The following CALR3 variants were observed in gnomAD, a reference collection of about 807,000 sequenced individuals.
CALR3 encodes the protein calreticulin-3.
A neutral mutation model predicts 48.7 loss-of-function variants in CALR3; 39 were observed. That is an observed-to-expected ratio of 0.80 (90% CI 0.62 to 1.05). The LOEUF (loss-of-function observed/expected upper bound fraction) is 1.05, where lower values mean the gene tolerates loss of function less well. Ranked by LOEUF, CALR3 falls within the 50% of genes least tolerant of loss-of-function variation. CALR3 has a pLI of 0.00. For synonymous variants in CALR3, 185 were observed against 172.7 expected (o/e 1.07, Z -0.56); for missense variants, 449 against 474.7 (o/e 0.95, Z 0.50).
At chr19:16,494,562 G>A (rs949853687) in intron 2 of CALR3, among the ~76,000 whole-genome samples, 3 of 151,186 alleles carry the variant, frequency 2.0e-5, no homozygotes, top group East Asian at 1.9e-4. Flanking sequence ...GGGTGTCACC[G>A]TATTGGCCAG....
At chr19:16,490,107 T>C (rs1022491294) in intron 3 of CALR3, among the ~76,000 whole-genome samples, 16 of 152,214 alleles carry the variant, frequency 1.1e-4, no homozygotes. Context: ...TAAGGTATCC[T>C]TACCCTGCAT....
intron 5 of CALR3, 151 bp downstream of exon 5, chr19:16,483,779 T>C (rs1228254917): frequency 1.4e-6 from 1 of 699,662 alleles, no homozygotes; most frequent in Non-Finnish European, 2.6e-6. Context: ...TGTGTAGAGA[T>C]GTGGCTGGTC....
chr19:16,490,941 A>G (rs2093397005), intron 2 of CALR3, among the ~76,000 whole-genome samples: 1 of 151,748 alleles, frequency 6.6e-6, no homozygotes. Flanking sequence ...TTGTATTTCT[A>G]GTAGAGATAG....
chr19:16,481,825 AAAC>A (rs1335750788), intron 7 of CALR3, among the ~76,000 whole-genome samples: 1 of 151,638 alleles, frequency 6.6e-6, no homozygotes, highest in Non-Finnish European at 1.5e-5. Flanking sequence ...TAAAACAAAA[AAAC>A]AAACAAAACT....
chr19:16,484,238 C>T, intron 4 of CALR3, 123 bp from the exon 5 acceptor site: 1 of 917,708 alleles, frequency 1.1e-6, no homozygotes. Flanking sequence ...AGCGCTGTGG[C>T]ACAATCTCGG....
chr19:16,490,280 T>A, intron 3 of CALR3, 87 bp downstream of exon 3: 1 of 1,204,714 alleles, frequency 8.3e-7, no homozygotes, highest in South Asian at 1.2e-5. Context: ...CTTCACTACA[T>A]TAGCAAAGTC....
intron 5 of CALR3, chr19:16,483,674 C>T (rs1482588258): frequency 4.7e-6 from 2 of 423,566 alleles, no homozygotes; most frequent in African/African-American, 2.0e-5. Context: ...GCTGAGATCA[C>T]GCCACTGCAC....
At chr19:16,485,114 T>C in intron 4 of CALR3, 49 bp downstream of exon 4, 1 of 1,257,744 alleles carries the variant, frequency 8.0e-7, no homozygotes, top group Admixed American at 1.7e-5. Flanking sequence ...TTTCTAAACT[T>C]AGTCTGGCAG....
chr19:16,486,333 A>G, intron 3 of CALR3, among the ~76,000 whole-genome samples: 1 of 148,522 alleles, frequency 6.7e-6, no homozygotes, highest in Admixed American at 6.7e-5. Flanking sequence ...AAAAAAAAAA[A>G]AGTGTGGGCT....
chr19:16,493,754 G>T (rs1419399137), intron 2 of CALR3, among the ~76,000 whole-genome samples: 1 of 151,684 alleles, frequency 6.6e-6, no homozygotes, highest in Non-Finnish European at 1.5e-5. Flanking sequence ...TTGAGACAGA[G>T]TCTTGCTCGG....
At chr19:16,487,467 A>G (rs2122137640) in intron 3 of CALR3, among the ~76,000 whole-genome samples, 1 of 139,668 alleles carries the variant, frequency 7.2e-6, no homozygotes, top group South Asian at 2.5e-4. Flanking sequence ...GCGACGAGCG[A>G]AGCTGTGTCT....
At chr19:16,488,064 C>T (rs557620460) in intron 3 of CALR3, among the ~76,000 whole-genome samples, 91 of 152,216 alleles carry the variant, frequency 6.0e-4, no homozygotes, top group African/African-American at 1.8e-3. Flanking sequence ...CTGCCCACCT[C>T]GGCCTCCCAA....
At chr19:16,482,421 A>T (rs376855778) in intron 7 of CALR3, 29 bp downstream of exon 7, 2 of 1,613,942 alleles carry the variant, frequency 1.2e-6, no homozygotes, top group African/African-American at 2.7e-5. Flanking sequence ...ACACGCAAAA[A>T]ATCTAAAGTA....
rs973713118 is a variant in CALR3 at position 16,485,377 on chromosome 19, T to G, written c.398-120A>C. ...AGTCTTGCTGTCACCCAGGCTGGAG[T>G]GCAGTGATCTTGGCTCACGGAAACT... On this transcript the variant is annotated intron_variant, in intron 3 of 8. Coordinates refer to ENST00000269881, the MANE Select transcript of CALR3 (RefSeq NM_145046.5). 5.8e-6 allele frequency: 4 copies of G among 689,138 alleles called. No individual in the cohort carries two copies. In the African/African-American group the frequency reaches 7.2e-5, roughly 12 times the overall value. 42.7% of individuals were successfully genotyped at this position (689,138 alleles called of 1,614,324 possible).
chr19:16,495,991 G>T (rs900278401), intron 1 of CALR3, 48 bp downstream of exon 1: 5 of 1,567,788 alleles, frequency 3.2e-6, no homozygotes, highest in Middle Eastern at 1.8e-4. Context: ...TTAGGGGGCG[G>T]AGATGGGGGA....
At position 16,495,847 on chromosome 19, in the gene CALR3, A is replaced by G. The variant is rs1396322901; in HGVS notation, c.97T>C (p.Trp33Arg). The G allele has an allele frequency of 6.2e-7, 1 of 1,613,946 alleles. No individual in the cohort carries two copies. The highest frequency in any genetic ancestry group is 1.3e-5 in the African/African-American group (1 of 74,920). Residue 33 changes from tryptophan (W) to arginine (R), a missense_variant, in exon 2 of 9, where the codon TGG becomes CGG. Physicochemically the swap from Trp to Arg is moderately radical, Grantham distance 101. Coordinates refer to ENST00000269881, the MANE Select transcript of CALR3 (RefSeq NM_145046.5). The stretch of plus-strand genomic sequence containing the variant: ...GTGGACTGCAACCATCGGTTTCTCC[A>G]ATGCTCTGTGGGGAAGGGGAAATAA... ...FQEEFLDGEH[W>R]RNRWLQSTND...
At chr19:16,485,137 A>G (rs1480878769) in intron 4 of CALR3, 26 bp downstream of exon 4, 1 of 1,447,406 alleles carries the variant, frequency 6.9e-7, no homozygotes, top group South Asian at 1.1e-5. Flanking sequence ...GTTAACACTC[A>G]TTTATTTGAA....
chr19:16,486,808 C>T (rs971346507), intron 3 of CALR3, among the ~76,000 whole-genome samples: 3 of 152,076 alleles, frequency 2.0e-5, no homozygotes, highest in African/African-American at 7.2e-5. Context: ...CCTCAGCAAG[C>T]TCCCCTCACA....
At chr19:16,483,586 C>T (rs1247018833) in intron 5 of CALR3, among the ~76,000 whole-genome samples, 1 of 145,072 alleles carries the variant, frequency 6.9e-6, no homozygotes, top group Non-Finnish European at 1.5e-5. Context: ...GGGATGGTGG[C>T]GGGTGCCTGT....
Sources: allele counts gnomAD v4.1 joint callset (sites outside exome capture counted in the v4.1 genomes callset), GRCh38; gene constraint gnomAD v4.1.1; transcripts MANE v1.5; gene names NCBI Gene and HGNC (gene_info 2026-07-23, HGNC 2026-07-21).